The following TAX1BP1 variants were observed in gnomAD, a reference collection of about 807,000 sequenced individuals.
TAX1BP1 encodes the protein tax1-binding protein 1.
A neutral mutation model predicts 97.7 loss-of-function variants in TAX1BP1; 62 were observed. The observed-to-expected ratio is 0.63, with a 90% confidence interval of 0.52 to 0.78. The LOEUF is 0.78. Ranked by LOEUF, TAX1BP1 falls within the 30% of genes least tolerant of loss-of-function variation. TAX1BP1 has a pLI of 0.00. For missense variants in TAX1BP1, 867 were observed against 916.1 expected (o/e 0.95, Z 0.69); for synonymous variants, 340 against 304.2 (o/e 1.12, Z -1.23).
At chr7:27,815,090 A>G (rs1790717150) in intron 13 of TAX1BP1, among the ~76,000 whole-genome samples, 1 of 152,094 alleles carries the variant, frequency 6.6e-6, no homozygotes, top group South Asian at 2.1e-4. Flanking sequence ...TCCTCATACC[A>G]TTGTGAATAA....
chr7:27,823,095 A>T (rs1439171721), intron 15 of TAX1BP1, among the ~76,000 whole-genome samples: 1 of 152,204 alleles, frequency 6.6e-6, no homozygotes, highest in Non-Finnish European at 1.5e-5. Context: ...AAATGCTTTT[A>T]AATTAGATAA....
chr7:27,789,135 C>G (rs928133287), intron 8 of TAX1BP1, among the ~76,000 whole-genome samples: 17 of 152,124 alleles, frequency 1.1e-4, no homozygotes, highest in African/African-American at 3.1e-4. Flanking sequence ...CTAAATAAAG[C>G]TAAGGTATTT....
At chr7:27,782,897 T>C (rs1488743492) in intron 5 of TAX1BP1, among the ~76,000 whole-genome samples, 2 of 152,242 alleles carry the variant, frequency 1.3e-5, no homozygotes, top group African/African-American at 4.8e-5. Context: ...TTTTATTTTT[T>C]AACATGAGAA....
chr7:27,783,603 G>A (rs779191607), intron 5 of TAX1BP1, among the ~76,000 whole-genome samples: 15 of 152,188 alleles, frequency 9.9e-5, no homozygotes, highest in Admixed American at 8.5e-4. Flanking sequence ...TCAGTTGCTA[G>A]TGATTTTTTT....
At chr7:27,797,664 T>C (rs1472298245) in intron 12 of TAX1BP1, among the ~76,000 whole-genome samples, 1 of 151,950 alleles carries the variant, frequency 6.6e-6, no homozygotes, top group Non-Finnish European at 1.5e-5. Flanking sequence ...CTTGAGAGAA[T>C]CCTGTGGAAG....
At chr7:27,791,754 C>T (rs1174320539) in intron 8 of TAX1BP1, among the ~76,000 whole-genome samples, 4 of 152,040 alleles carry the variant, frequency 2.6e-5, no homozygotes, top group Admixed American at 2.0e-4. Context: ...GGGTATGTTG[C>T]CTGACTCGCT....
intron 4 of TAX1BP1, among the ~76,000 whole-genome samples, chr7:27,768,976 G>A (rs764755441): frequency 1.3e-5 from 2 of 151,848 alleles, no homozygotes; most frequent in African/African-American, 2.4e-5. Flanking sequence ...TATTAACTTT[G>A]TTTTACTATC....
At chr7:27,808,510 A>G (rs1003161742) in intron 13 of TAX1BP1, among the ~76,000 whole-genome samples, 5 of 152,104 alleles carry the variant, frequency 3.3e-5, no homozygotes, top group Admixed American at 3.3e-4. Context: ...AGGGTGTAAA[A>G]TTTACATATT....
intron 8 of TAX1BP1, 48 bp from the exon 9 acceptor site, chr7:27,791,958 T>A (rs561944420): frequency 6.3e-7 from 1 of 1,577,888 alleles, no homozygotes; most frequent in South Asian, 1.1e-5. Context: ...TGCTTCTGTT[T>A]TTTACTTGAG....
chr7:27,772,936 T>C (rs1788901407), intron 5 of TAX1BP1, among the ~76,000 whole-genome samples: 1 of 152,112 alleles, frequency 6.6e-6, no homozygotes, highest in Admixed American at 6.6e-5. Flanking sequence ...AAAGTAACTC[T>C]ATTATTAAGG....
At chr7:27,790,285 T>C (rs1335838571) in intron 8 of TAX1BP1, among the ~76,000 whole-genome samples, 1 of 152,000 alleles carries the variant, frequency 6.6e-6, no homozygotes, top group Admixed American at 6.6e-5. Flanking sequence ...CTGTGTAGTA[T>C]ATGTTTTTTG....
rs372764720 is a variant in TAX1BP1, at chr7:27,787,410, C to G, written c.853-8C>G. On this transcript the variant is annotated splice_polypyrimidine_tract_variant and splice_region_variant and intron_variant, in intron 7 of 16. Transcript: ENST00000396319. ...GAATATTCTTGACATTTTCAAACACCATTACAGGTACATTTGAAGAATACA... is the reference window on the plus strand; with the variant it reads ...GAATATTCTTGACATTTTCAAACACGATTACAGGTACATTTGAAGAATACA... The G allele has an allele frequency of 6.3e-7, 1 of 1,595,430 alleles. No individual in the cohort carries two copies.
intron 15 of TAX1BP1, 24 bp downstream of exon 15, chr7:27,817,062 A>T: frequency 6.3e-7 from 1 of 1,588,888 alleles, no homozygotes; most frequent in Non-Finnish European, 8.5e-7. Flanking sequence ...TCATTGTGTG[A>T]GCCTGTCCCT....
chr7:27,761,738 C>G (rs936689891), intron 3 of TAX1BP1, among the ~76,000 whole-genome samples: 1 of 152,160 alleles, frequency 6.6e-6, no homozygotes, highest in African/African-American at 2.4e-5. Flanking sequence ...TGAAGGAGAT[C>G]TTGGTTGCTT....
intron 13 of TAX1BP1, among the ~76,000 whole-genome samples, chr7:27,811,984 A>G (rs1311703337): frequency 1.3e-5 from 2 of 152,176 alleles, no homozygotes; most frequent in Non-Finnish European, 2.9e-5. Flanking sequence ...TTTTGTGGAC[A>G]TATGTTTTCA....
intron 8 of TAX1BP1, among the ~76,000 whole-genome samples, chr7:27,788,073 G>A (rs530314131): frequency 1.2e-4 from 18 of 151,686 alleles, no homozygotes; most frequent in Middle Eastern, 6.8e-3. Flanking sequence ...ATTTTGAGTC[G>A]GTTTCAGTCT....
chr7:27,757,121 C>T (rs1788250072), intron 2 of TAX1BP1, among the ~76,000 whole-genome samples: 1 of 152,112 alleles, frequency 6.6e-6, no homozygotes, highest in South Asian at 2.1e-4. Context: ...TGTCTACAAT[C>T]AGGCCAATCA....
chr7:27,803,484 C>G (rs1423876552), intron 13 of TAX1BP1, among the ~76,000 whole-genome samples: 1 of 152,096 alleles, frequency 6.6e-6, no homozygotes, highest in Admixed American at 6.5e-5. Flanking sequence ...TTGGTGGTTC[C>G]CAATCCCCTT....
intron 5 of TAX1BP1, among the ~76,000 whole-genome samples, chr7:27,781,371 C>T (rs980262502): frequency 5.9e-5 from 9 of 152,162 alleles, no homozygotes; most frequent in African/African-American, 2.2e-4. Context: ...TCCTACTGCG[C>T]ACCTAGGCTA....
Sources: gnomAD v4.1 joint callset for allele counts (sites outside exome capture counted in the v4.1 genomes callset) on GRCh38, gnomAD v4.1.1 for gene constraint, MANE v1.5 for transcripts, NCBI Gene and HGNC (gene_info 2026-07-23, HGNC 2026-07-21) for gene names.